Variants in SEPTIN9 observed in about 807,000 individuals in gnomAD.
The protein encoded by SEPTIN9 is septin-9.
A neutral mutation model predicts 56.6 loss-of-function variants in SEPTIN9; 13 were observed. That is an observed-to-expected ratio of 0.23 (90% CI 0.15 to 0.37). The LOEUF (loss-of-function observed/expected upper bound fraction) is 0.37. Ranked by LOEUF, SEPTIN9 falls within the 10% of genes least tolerant of loss-of-function variation. SEPTIN9 has a pLI of 1.00. For synonymous variants in SEPTIN9, 332 were observed against 334.1 expected (o/e 0.99, Z 0.07); for missense variants, 650 against 823.1 (o/e 0.79, Z 2.57).
rs889053493 is a variant in SEPTIN9 at position 77,329,151 on chromosome 17, A to C, written c.76+21954A>C. Among the ~76,000 whole-genome samples, 15 of 152,160 alleles carry C rather than the reference A, an allele frequency of 9.9e-5. No individual in the cohort carries two copies. Among genetic ancestry groups the C allele is most frequent in the African/African-American group, 3.6e-4 (15 of 41,444 alleles). ...GTGAGGGCTTGATTTTATTCTCACT[A>C]TGGTGGGACCTCAGTGCCCTGTGGC... is the stretch of plus-strand genomic sequence containing the variant. On this transcript the variant is annotated intron_variant, in intron 2 of 11. Coordinates refer to ENST00000427177, the MANE Select transcript of SEPTIN9 (RefSeq NM_001113491.2). This position sits in a 1 kb window ranked among gnomAD's most constrained non-coding sequence, Gnocchi z 4.3.
rs1271758403 is a variant in SEPTIN9 at position 77,317,689 on chromosome 17, A to G, written c.76+10492A>G. ...ATAATAGAAATAAAGTGCACAATCA[A>G]TACAACGTGCTTGTGGCCGGGTGCA... On this transcript the variant is annotated intron_variant, in intron 2 of 11. Coordinates refer to ENST00000427177, the MANE Select transcript of SEPTIN9 (RefSeq NM_001113491.2). The surrounding 1 kb of genome is among the most constrained non-coding windows in gnomAD (Gnocchi z 4.2). Among the ~76,000 whole-genome samples, 1 of 152,172 alleles carries G rather than the reference A, an allele frequency of 6.6e-6. No homozygotes were observed. Among genetic ancestry groups the G allele is most frequent in the East Asian group, 1.9e-4 (1 of 5,204 alleles).
chr17:77,401,653 G>A (rs1196056570), intron 2 of SEPTIN9, among the ~76,000 whole-genome samples: 2 of 152,018 alleles, frequency 1.3e-5, no homozygotes, highest in Non-Finnish European at 2.9e-5. Context: ...GGCTGAGGTA[G>A]GAGAATCGCT....
intron 2 of SEPTIN9, among the ~76,000 whole-genome samples, chr17:77,315,922 G>A (rs566132577): frequency 2.6e-5 from 4 of 152,308 alleles, no homozygotes; most frequent in African/African-American, 9.6e-5. Flanking sequence ...GTGTGGGCAG[G>A]CTGGGGTGGC....
chr17:77,320,383 C>T (rs1296971151), intron 2 of SEPTIN9: 1 of 1,584,204 alleles, frequency 6.3e-7, no homozygotes, highest in Non-Finnish European at 8.7e-7. Flanking sequence ...CGGCCGCCCC[C>T]CACTGCCCTG....
chr17:77,300,014 C>T (rs2031967516), intron 1 of SEPTIN9, among the ~76,000 whole-genome samples: 1 of 152,218 alleles, frequency 6.6e-6, no homozygotes. Flanking sequence ...GTTGGGTAGA[C>T]TGTTTCCTTC....
intron 3 of SEPTIN9, among the ~76,000 whole-genome samples, chr17:77,442,884 TAA>T (rs200357539): frequency 7.6e-6 from 1 of 131,948 alleles, no homozygotes; most frequent in South Asian, 2.4e-4. Flanking sequence ...AAAAAACAAA[TAA>T]AAAAAAAAAA....
chr17:77,492,638 G>A lies in SEPTIN9; in HGVS notation c.1398G>A (p.Leu466=), dbSNP rs375450011. 500 of 1,613,982 alleles carry A rather than the reference G, an allele frequency of 3.1e-4. No homozygotes were observed. Among genetic ancestry groups the A allele is most frequent in the Admixed American group, 4.2e-4 (25 of 60,006 alleles). Residue 466 remains leucine, a synonymous_variant, in exon 9 of 12, where the codon CTG becomes CTA. Coordinates refer to ENST00000427177, the MANE Select transcript of SEPTIN9 (RefSeq NM_001113491.2). This position sits in a 1 kb window ranked among gnomAD's most constrained non-coding sequence, Gnocchi z 5.4. ...TATCCCAGATCACCGCAGACCTGCTGTCCAACGGCATCGACGTGTACCCCC... is the reference window on the plus strand; with the variant it reads ...TATCCCAGATCACCGCAGACCTGCTATCCAACGGCATCGACGTGTACCCCC... ...HFKQRITADL[L]SNGIDVYPQK... is the part of the protein sequence containing the mutation.
At position 77,459,065 on chromosome 17, in the gene SEPTIN9, G is replaced by A. The variant is rs79257211; in HGVS notation, c.722-23079G>A. Reference sequence around the variant, plus strand: ...GGAGGCAGTGAACGGGGCCACGGTCGGCCCCACACGTGGCACCACCAGCCC... The same window carrying A: ...GGAGGCAGTGAACGGGGCCACGGTCAGCCCCACACGTGGCACCACCAGCCC... On this transcript the variant is annotated intron_variant, in intron 3 of 11. Transcript: ENST00000427177. Among the ~76,000 whole-genome samples, 504 of 152,294 alleles carry A rather than the reference G, an allele frequency of 3.3e-3. 1 individual carries two copies. Among genetic ancestry groups the A allele is most frequent in the African/African-American group, 0.011 (463 of 41,558 alleles).
At chr17:77,493,542 G>T (rs1397284511) in intron 10 of SEPTIN9, among the ~76,000 whole-genome samples, 3 of 152,096 alleles carry the variant, frequency 2.0e-5, no homozygotes, top group Non-Finnish European at 4.4e-5. Flanking sequence ...CAAACGAGGG[G>T]ACTTAAAACA....
intron 7 of SEPTIN9, among the ~76,000 whole-genome samples, chr17:77,489,881 C>CCGCA (rs2143375709): frequency 6.6e-6 from 1 of 152,344 alleles, no homozygotes; most frequent in South Asian, 2.1e-4. Flanking sequence ...GGCTCACCTG[C>CCGCA]GGTCCTGTGG....
At chr17:77,356,296 C>T (rs2034235694) in intron 2 of SEPTIN9, among the ~76,000 whole-genome samples, 1 of 152,152 alleles carries the variant, frequency 6.6e-6, no homozygotes, top group Non-Finnish European at 1.5e-5. Context: ...CCCCATCTCC[C>T]TGCCTTGGGA....
chr17:77,304,594 C>T (rs957618298), intron 1 of SEPTIN9, among the ~76,000 whole-genome samples: 28 of 152,138 alleles, frequency 1.8e-4, no homozygotes, highest in Non-Finnish European at 7.3e-5. Flanking sequence ...CCTTTGTCGC[C>T]GGCATCCCCT....
Position 77,313,093 on chromosome 17 carries a change from C to T in SEPTIN9, c.76+5896C>T, listed in dbSNP as rs925533453. Among the ~76,000 whole-genome samples, 6 of 152,194 alleles carry T rather than the reference C, an allele frequency of 3.9e-5. No homozygotes were observed. The highest frequency in any genetic ancestry group is 3.8e-4 in the East Asian group (2 of 5,198). On this transcript the variant is annotated intron_variant, in intron 2 of 11. Transcript: ENST00000427177. The surrounding 1 kb of genome is among the most constrained non-coding windows in gnomAD (Gnocchi z 4.5). ...CTGAGCAAGCAGGATGAAAGACACCCGCTCTCGGGGGAGTCTTCCGTTGGC... is the reference window on the plus strand; with the variant it reads ...CTGAGCAAGCAGGATGAAAGACACCTGCTCTCGGGGGAGTCTTCCGTTGGC...
intron 3 of SEPTIN9, among the ~76,000 whole-genome samples, chr17:77,417,374 G>A (rs975061918): frequency 2.0e-5 from 3 of 152,162 alleles, no homozygotes; most frequent in African/African-American, 7.2e-5. Flanking sequence ...CAAGGGTTTG[G>A]GTGACACCTG....
chr17:77,387,517 G>C (rs2035378748), intron 2 of SEPTIN9, among the ~76,000 whole-genome samples: 1 of 152,176 alleles, frequency 6.6e-6, no homozygotes, highest in East Asian at 1.9e-4. Context: ...CTGATCTTAG[G>C]GGAAGCAGAA....
chr17:77,327,647 A>C lies in SEPTIN9; in HGVS notation c.76+20450A>C, dbSNP rs555594143. ...ATTTGGGCTCCAGGCTACGCCTTGA[A>C]ATTGGGACAGAGAGTGGCGCAGATC... On this transcript the variant is annotated intron_variant, in intron 2 of 11. Transcript: ENST00000427177. The surrounding 1 kb of genome is among the most constrained non-coding windows in gnomAD (Gnocchi z 5.0). 1.8e-4 allele frequency among the ~76,000 whole-genome samples: 27 copies of C among 152,176 alleles called. No homozygotes were observed. The highest frequency in any genetic ancestry group is 1.3e-3 in the Admixed American group (20 of 15,300).
intron 2 of SEPTIN9, among the ~76,000 whole-genome samples, chr17:77,388,337 C>T (rs2035411314): frequency 6.6e-6 from 1 of 152,160 alleles, no homozygotes; most frequent in African/African-American, 2.4e-5. Context: ...CTGGAATCTT[C>T]TGCGTCCAGT....
At chr17:77,381,409 C>T (rs1049925804) in intron 2 of SEPTIN9, among the ~76,000 whole-genome samples, 2 of 142,642 alleles carry the variant, frequency 1.4e-5, no homozygotes, top group Admixed American at 1.4e-4. Flanking sequence ...CTGTCCCCAC[C>T]CCCCACCCCA....
chr17:77,483,552 C>T (rs746684118), intron 4 of SEPTIN9: 2 of 152,442 alleles, frequency 1.3e-5, no homozygotes, highest in Non-Finnish European at 2.9e-5. Flanking sequence ...AGGCAGTGGC[C>T]AGGCTGGGAC....
Sources: gnomAD v4.1 joint callset for allele counts (sites outside exome capture counted in the v4.1 genomes callset) on GRCh38, gnomAD v4.1.1 for gene constraint, Gnocchi (gnomAD v3.1) non-coding constraint, MANE v1.5 for transcripts, NCBI Gene and HGNC (gene_info 2026-07-23, HGNC 2026-07-21) for gene names.